CUTC: variants seen among roughly 807,000 people sequenced by gnomAD.
CUTC encodes the protein copper homeostasis protein cutC homolog.
A neutral mutation model predicts 36.2 loss-of-function variants in CUTC; 27 were observed. The ratio of observed to expected loss-of-function variants is 0.75; its 90% confidence interval spans 0.55 to 1.03. CUTC has a LOEUF of 1.03. Ranked by LOEUF, CUTC falls within the 50% of genes least tolerant of loss-of-function variation. The pLI is 0.00. For missense variants in CUTC, 315 were observed against 343.5 expected, an observed-to-expected ratio of 0.92 and a Z score of 0.66; for synonymous variants, 114 against 118.3, an observed-to-expected ratio of 0.96 and a Z score of 0.24.
At chr10:99,737,041 T>C (rs991437757) in intron 2 of CUTC, among the ~76,000 whole-genome samples, 3 of 152,150 alleles carry the variant, frequency 2.0e-5, no homozygotes, top group African/African-American at 4.8e-5. Flanking sequence ...AGGCTGAGGC[T>C]GCCAGATCAC....
At chr10:99,741,122 A>C (rs1200860465) in intron 3 of CUTC, among the ~76,000 whole-genome samples, 1 of 152,176 alleles carries the variant, frequency 6.6e-6, no homozygotes, top group Non-Finnish European at 1.5e-5. Flanking sequence ...GACATTGTGA[A>C]TTTTACTTTA....
intron 2 of CUTC, among the ~76,000 whole-genome samples, chr10:99,738,724 A>G (rs2037317518): frequency 1.3e-5 from 2 of 152,180 alleles, no homozygotes; most frequent in African/African-American, 4.8e-5. Flanking sequence ...ATTTATAGAT[A>G]ACATTATATA....
chr10:99,734,435 ATTTG>A lies in CUTC; in HGVS notation c.62-1807_62-1804del, dbSNP rs566192264. On this transcript the variant is annotated intron_variant, in intron 1 of 8. Coordinates refer to ENST00000370476, the MANE Select transcript of CUTC (RefSeq NM_015960.3). ...TTAGCAGATGATAGGTTTTTGTTTT[ATTTG>A]TTTTTCAAAGTAAAAATTGCTTTTT... is the stretch of plus-strand genomic sequence containing the variant. Among the ~76,000 whole-genome samples the A allele has an allele frequency of 2.0e-3, 300 of 152,276 alleles. 2 individuals carry two copies. Among genetic ancestry groups the A allele is most frequent in the African/African-American group, 7.0e-3 (292 of 41,552 alleles).
intron 5 of CUTC, among the ~76,000 whole-genome samples, chr10:99,744,656 A>G (rs2037365373): frequency 6.6e-6 from 1 of 152,198 alleles, no homozygotes; most frequent in Non-Finnish European, 1.5e-5. Flanking sequence ...AGTATACAAA[A>G]TTATTTTTCA....
intron 5 of CUTC, 69 bp downstream of exon 5, chr10:99,744,141 C>A: frequency 8.0e-7 from 1 of 1,252,022 alleles, no homozygotes; most frequent in Non-Finnish European, 1.2e-6. Context: ...ACTGCCACCA[C>A]CTTTTTATGG....
chr10:99,732,991 C>G (rs1356290097), intron 1 of CUTC, among the ~76,000 whole-genome samples: 2 of 152,130 alleles, frequency 1.3e-5, no homozygotes, highest in African/African-American at 4.8e-5. Context: ...TATCAAGAAT[C>G]CTCAAAGATT....
intron 2 of CUTC, among the ~76,000 whole-genome samples, chr10:99,738,795 T>C (rs181763820): frequency 6.6e-6 from 1 of 152,288 alleles, no homozygotes; most frequent in Admixed American, 6.5e-5. Context: ...TTTTGTGATA[T>C]TAAGATTGAA....
chr10:99,732,330 A>G lies in CUTC; in HGVS notation c.-19A>G. On this transcript the variant is annotated 5_prime_UTR_variant, in exon 1 of 9. Coordinates refer to ENST00000370476, the MANE Select transcript of CUTC (RefSeq NM_015960.3). ...TCCAAGTGGAAACTGCAGGCGCACG[A>G]GGGAGGAACGCGTGGAGCATGAAAA... is the stretch of plus-strand genomic sequence containing the variant. The G allele has an allele frequency of 1.3e-6, 2 of 1,551,642 alleles. No individual in the cohort carries two copies. Among genetic ancestry groups the G allele is most frequent in the Non-Finnish European group, 1.7e-6 (2 of 1,147,254 alleles).
At chr10:99,747,157 A>G (rs1430959509) in intron 5 of CUTC, 100 bp from the exon 6 acceptor site, 2 of 1,340,096 alleles carry the variant, frequency 1.5e-6, no homozygotes, top group Non-Finnish European at 2.1e-6. Flanking sequence ...GTAAGCCAGT[A>G]CAAGCTAGGT....
chr10:99,739,536 G>A (rs111435710), intron 2 of CUTC, among the ~76,000 whole-genome samples, 174 bp from the exon 3 acceptor site: 21 of 152,174 alleles, frequency 1.4e-4, no homozygotes, highest in African/African-American at 5.1e-4. Context: ...ACACAATGTG[G>A]GCTGCAGAGT....
intron 3 of CUTC, among the ~76,000 whole-genome samples, chr10:99,742,857 C>T (rs1035294330): frequency 6.6e-6 from 1 of 152,098 alleles, no homozygotes; most frequent in African/African-American, 2.4e-5. Context: ...AATGTACTGG[C>T]AGAACATCGA....
At chr10:99,739,840 C>CCAG in intron 3 of CUTC, 71 bp downstream of exon 3, 1 of 1,228,058 alleles carries the variant, frequency 8.1e-7, no homozygotes, top group Non-Finnish European at 1.2e-6. Flanking sequence ...TAATCAGTTT[C>CCAG]GTTGGGGTCC....
At chr10:99,751,351 T>C (rs1027169742) in intron 7 of CUTC, among the ~76,000 whole-genome samples, 1 of 152,116 alleles carries the variant, frequency 6.6e-6, no homozygotes, top group Non-Finnish European at 1.5e-5. Context: ...TTTTTGGTTA[T>C]CTTTTGTTTG....
Position 99,732,422 on chromosome 10 carries a change from G to A in CUTC, c.61+13G>A. ...TCCGGGAAGGCCGGTGCGGAAGGTG[G>A]CGGGGGAGGGGACGGTCGGCCGAAG... On this transcript the variant is annotated intron_variant, in intron 1 of 8. Coordinates refer to ENST00000370476, the MANE Select transcript of CUTC (RefSeq NM_015960.3). The A allele has an allele frequency of 1.3e-6, 2 of 1,550,218 alleles. No homozygotes were observed. The highest frequency in any genetic ancestry group is 1.7e-6 in the Non-Finnish European group (2 of 1,146,990).
chr10:99,752,758 T>G (rs1692844906), intron 7 of CUTC, among the ~76,000 whole-genome samples: 1 of 152,230 alleles, frequency 6.6e-6, no homozygotes, highest in African/African-American at 2.4e-5. Flanking sequence ...TTAATTTCTT[T>G]AACAAACCTT....
chr10:99,743,145 T>C lies in CUTC; in HGVS notation c.194-8T>C. The C allele has an allele frequency of 3.1e-6, 5 of 1,612,996 alleles. No individual in the cohort carries two copies. The highest frequency in any genetic ancestry group is 4.2e-6 in the Non-Finnish European group (5 of 1,179,094). Reference sequence around the variant, plus strand: ...ATTTGAATTTTAATCTGCTTTCTTTTCTTGTAGGTGTCCTTCAAGTAGTGA... The same window carrying C: ...ATTTGAATTTTAATCTGCTTTCTTTCCTTGTAGGTGTCCTTCAAGTAGTGA... On this transcript the variant is annotated splice_region_variant and splice_polypyrimidine_tract_variant and intron_variant, in intron 3 of 8. Coordinates refer to ENST00000370476, the MANE Select transcript of CUTC (RefSeq NM_015960.3).
intron 8 of CUTC, among the ~76,000 whole-genome samples, chr10:99,754,955 G>A (rs951504125): frequency 6.7e-6 from 1 of 149,904 alleles, no homozygotes; most frequent in Non-Finnish European, 1.5e-5. Context: ...ATGATTTCCT[G>A]TAGCAAAGTT....
chr10:99,754,650 TC>T lies in CUTC; in HGVS notation c.707+17del. The T allele has an allele frequency of 6.5e-7, 1 of 1,540,706 alleles. No homozygotes were observed. On this transcript the variant is annotated intron_variant, in intron 8 of 8. Coordinates refer to ENST00000370476, the MANE Select transcript of CUTC (RefSeq NM_015960.3). ...TGAAGTTTCGGTAAAAATGTATTCT[TC>T]GATTCAAATAAGAAGGATGAGATTA...
At chr10:99,749,510 G>C (rs1400090784) in intron 6 of CUTC, among the ~76,000 whole-genome samples, 1 of 151,904 alleles carries the variant, frequency 6.6e-6, no homozygotes, top group African/African-American at 2.4e-5. Context: ...AAGGCGAAAA[G>C]AAATGGTAGA....
Sources: allele counts gnomAD v4.1 joint callset (sites outside exome capture counted in the v4.1 genomes callset), GRCh38; gene constraint gnomAD v4.1.1; transcripts MANE v1.5; gene names NCBI Gene and HGNC (gene_info 2026-07-23, HGNC 2026-07-21).